The following TLK1 variants were observed in gnomAD, a reference collection of about 807,000 sequenced individuals.
TLK1 encodes tousled like kinase 1.
A neutral mutation model predicts 105.3 loss-of-function variants in TLK1; 24 were observed. That is an observed-to-expected ratio of 0.23 (90% CI 0.17 to 0.32). The LOEUF is 0.32. Ranked by LOEUF, TLK1 falls within the 10% of genes least tolerant of loss-of-function variation. The probability of loss-of-function intolerance (pLI) is 1.00; values close to 1 mark genes in which losing one functional copy is unlikely to be tolerated. For missense variants in TLK1, 558 were observed against 910.5 expected, an observed-to-expected ratio of 0.61 and a Z score of 4.98; for synonymous variants, 321 against 310.4, an observed-to-expected ratio of 1.03 and a Z score of -0.36.
intron 2 of TLK1, among the ~76,000 whole-genome samples, chr2:171,095,272 C>A (rs1466271478): frequency 6.6e-6 from 1 of 151,252 alleles, no homozygotes; most frequent in African/African-American, 2.4e-5. Flanking sequence ...AAATATATAT[C>A]ACAGCAGAAA....
chr2:171,190,898 T>A (rs2105313563), intron 1 of TLK1, among the ~76,000 whole-genome samples: 1 of 151,364 alleles, frequency 6.6e-6, no homozygotes, highest in Middle Eastern at 3.4e-3. Context: ...GCGTGGTGGC[T>A]CACACCTGTA....
At chr2:171,161,096 C>T (rs1345530641), upstream of TLK1, among the ~76,000 whole-genome samples, 1 of 147,828 alleles carries the variant, frequency 6.8e-6, no homozygotes, top group East Asian at 2.0e-4. Context: ...AGCGCCGGGG[C>T]GCCCCTGCCG....
At chr2:171,184,102 T>G (rs1692977855) in intron 1 of TLK1, among the ~76,000 whole-genome samples, 1 of 152,130 alleles carries the variant, frequency 6.6e-6, no homozygotes, top group Non-Finnish European at 1.5e-5. Flanking sequence ...AGAAGAATGG[T>G]CAGAGACGTG....
chr2:171,090,989 C>G (rs1689203390), intron 2 of TLK1, among the ~76,000 whole-genome samples: 2 of 152,302 alleles, frequency 1.3e-5, no homozygotes, highest in South Asian at 4.1e-4. Flanking sequence ...CAAAAGATGG[C>G]CATCATATCA....
intron 11 of TLK1, chr2:171,045,433 AG>A: frequency 3.0e-4 from 1 of 3,302 alleles, no homozygotes; most frequent in Non-Finnish European, 0.013. Context: ...TTTCTCTCTG[AG>A]AATTTACTGA....
intron 2 of TLK1, among the ~76,000 whole-genome samples, chr2:171,088,090 G>A (rs182047632): frequency 6.6e-6 from 1 of 152,126 alleles, no homozygotes; most frequent in Non-Finnish European, 1.5e-5. Context: ...CAGCACTTTG[G>A]GGGGCTGAAG....
intron 12 of TLK1, among the ~76,000 whole-genome samples, chr2:171,020,267 T>G (rs1036461537): frequency 1.3e-5 from 2 of 150,764 alleles, no homozygotes; most frequent in Non-Finnish European, 2.9e-5. Flanking sequence ...AAGGGCCAGG[T>G]GCGGTGGCTC....
intron 1 of TLK1, among the ~76,000 whole-genome samples, chr2:171,223,015 A>G (rs1170537120): frequency 6.6e-6 from 1 of 152,106 alleles, no homozygotes; most frequent in Non-Finnish European, 1.5e-5. Context: ...GAGTTTCACC[A>G]TATTAGCCAG....
chr2:171,151,009 T>C (rs1692007532), intron 1 of TLK1, among the ~76,000 whole-genome samples: 1 of 152,034 alleles, frequency 6.6e-6, no homozygotes, highest in Non-Finnish European at 1.5e-5. Flanking sequence ...ATATTCTCTA[T>C]GTGTGCCTGG....
intron 2 of TLK1, among the ~76,000 whole-genome samples, chr2:171,098,256 T>C (rs1213393043): frequency 6.6e-6 from 1 of 152,064 alleles, no homozygotes; most frequent in East Asian, 1.9e-4. Context: ...TTAAATGTTT[T>C]CCGCACAAAA....
At chr2:171,009,599 C>CA (rs1684812568) in intron 14 of TLK1, among the ~76,000 whole-genome samples, 1 of 151,930 alleles carries the variant, frequency 6.6e-6, no homozygotes, top group Admixed American at 6.6e-5. Flanking sequence ...GAGCCATGGC[C>CA]AACAAGCAGG....
intron 1 of TLK1, among the ~76,000 whole-genome samples, chr2:171,172,178 T>C (rs1692742415): frequency 6.6e-6 from 1 of 152,206 alleles, no homozygotes; most frequent in African/African-American, 2.4e-5. Flanking sequence ...GATTACATAC[T>C]ATGTGATTCC....
intron 13 of TLK1, among the ~76,000 whole-genome samples, chr2:171,013,297 G>A (rs1685012508): frequency 1.4e-5 from 2 of 145,684 alleles, no homozygotes; most frequent in Admixed American, 1.4e-4. Context: ...ACAGGCATGA[G>A]CTACCACACC....
chr2:171,070,482 ATT>A (rs1688201452), intron 3 of TLK1, among the ~76,000 whole-genome samples: 1 of 152,028 alleles, frequency 6.6e-6, no homozygotes, highest in African/African-American at 2.4e-5. Flanking sequence ...CATAAGTTGC[ATT>A]GTCTTAATTT....
chr2:171,195,766 A>T (rs1693261401), intron 1 of TLK1, among the ~76,000 whole-genome samples: 1 of 152,000 alleles, frequency 6.6e-6, no homozygotes, highest in Non-Finnish European at 1.5e-5. Context: ...AAGGCATTGT[A>T]GGCCAGAAGC....
At chr2:171,145,107 G>A (rs906758798) in intron 1 of TLK1, among the ~76,000 whole-genome samples, 3 of 152,088 alleles carry the variant, frequency 2.0e-5, no homozygotes, top group Admixed American at 1.3e-4. Context: ...CCAGGAGTTC[G>A]AGACCAGCCT....
At chr2:171,145,676 T>G (rs1278898158) in intron 1 of TLK1, among the ~76,000 whole-genome samples, 1 of 151,966 alleles carries the variant, frequency 6.6e-6, no homozygotes, top group Admixed American at 6.6e-5. Context: ...TTTTGTCAAG[T>G]GGAAACAATC....
Position 171,109,390 on chromosome 2 carries a change from T to A in TLK1, c.258+8349A>T, listed in dbSNP as rs147547492. Among the ~76,000 whole-genome samples the A allele has an allele frequency of 4.7e-3, 722 of 152,282 alleles. 7 individuals carry two copies. The highest frequency in any genetic ancestry group is 0.016 in the African/African-American group (661 of 41,562). ...ATTATGAAATATACAGATCTGAACA[T>A]TAATTAAAACAGCACCCATCAAAAC... is the stretch of plus-strand genomic sequence containing the variant. On this transcript the variant is annotated intron_variant, in intron 2 of 20. Transcript: ENST00000431350.
At chr2:171,091,529 T>G (rs570524807) in intron 2 of TLK1, 1 of 152,270 alleles carries the variant, frequency 6.6e-6, no homozygotes, top group African/African-American at 2.4e-5. Context: ...TCCTTGTATT[T>G]TTGGTAGGAC....
Sources: gnomAD v4.1 joint callset for allele counts (sites outside exome capture counted in the v4.1 genomes callset) on GRCh38, gnomAD v4.1.1 for gene constraint, MANE v1.5 for transcripts, NCBI Gene and HGNC (gene_info 2026-07-23, HGNC 2026-07-21) for gene names.